The following HDAC1 variants were observed in gnomAD, a reference collection of about 807,000 sequenced individuals.
HDAC1 encodes the protein histone deacetylase 1, also known as protein deacetylase HDAC1.
HDAC1 carries 18 observed loss-of-function variants against 65.5 expected under a neutral mutation model. The ratio of observed to expected loss-of-function variants is 0.27; its 90% CI spans 0.19 to 0.41. HDAC1 has a LOEUF of 0.41. HDAC1 is among the 10% of genes least tolerant of loss of function. The pLI, the probability that HDAC1 is intolerant of heterozygous loss-of-function variation, is 1.00. For synonymous variants in HDAC1, 211 were observed against 227.9 expected (o/e 0.93, Z 0.67); for missense variants, 373 against 625.2 (o/e 0.60, Z 4.30).
intron 2 of HDAC1, among the ~76,000 whole-genome samples, chr1:32,316,145 G>A (rs1246852746): frequency 6.6e-6 from 1 of 151,992 alleles, no homozygotes; most frequent in Non-Finnish European, 1.5e-5. Context: ...TTAGCCGGGC[G>A]TGGTGGTGGG....
intron 3 of HDAC1, 37 bp downstream of exon 3, chr1:32,316,819 C>G: frequency 7.9e-7 from 1 of 1,271,404 alleles, no homozygotes; most frequent in East Asian, 2.3e-5. Context: ...CTGAAGCCGC[C>G]AGTTGCATCT....
rs920845268 is a variant in HDAC1, at chr1:32,332,954, C to T, written c.1422-63C>T. The stretch of plus-strand genomic sequence containing the variant: ...CCTAGGATCCTGTGGAAGTCACTGT[C>T]TGCACTTTTGCCCTGAGGCTCTGGG... On this transcript the variant is annotated intron_variant, in intron 13 of 13. Coordinates refer to ENST00000373548, the MANE Select transcript of HDAC1 (RefSeq NM_004964.3). 9.7e-6 allele frequency: 15 copies of T among 1,553,306 alleles called. No homozygotes were observed. In the South Asian group the frequency reaches 1.2e-4, roughly 13 times the overall value.
intron 1 of HDAC1, among the ~76,000 whole-genome samples, chr1:32,301,875 G>T (rs1428317866): frequency 6.6e-6 from 1 of 152,194 alleles, no homozygotes; most frequent in Non-Finnish European, 1.5e-5. Flanking sequence ...TCCTGCCTCA[G>T]CCTCCAGAGT....
intron 4 of HDAC1, among the ~76,000 whole-genome samples, chr1:32,325,102 C>T (rs546267869): frequency 2.6e-5 from 4 of 152,324 alleles, no homozygotes; most frequent in East Asian, 1.9e-4. Context: ...GCGTTCCCCG[C>T]AGACCTCCTG....
In HDAC1 at chr1:32,327,386, G is replaced by A. The variant is rs959698819; in HGVS notation, c.495-150G>A. On this transcript the variant is annotated intron_variant, in intron 5 of 13. Transcript: ENST00000373548. The surrounding 1 kb of genome is among the most constrained non-coding windows in gnomAD (Gnocchi z 6.0). ...GTCAGGCCTCTGGAGACACCCGGCC[G>A]CTCTTCCACCTTCCTTCAGCCAGTT... 8.6e-6 allele frequency: 6 copies of A among 701,108 alleles called. No individual in the cohort carries two copies. Among genetic ancestry groups the A allele is most frequent in the East Asian group, 5.0e-5 (2 of 40,016 alleles). The allele number at this position is 701,108 out of a possible 1,614,324, so 43.4% of individuals were successfully genotyped here.
At chr1:32,317,537 G>A (rs1355597754) in intron 3 of HDAC1, among the ~76,000 whole-genome samples, 1 of 152,144 alleles carries the variant, frequency 6.6e-6, no homozygotes, top group Non-Finnish European at 1.5e-5. Context: ...CAGAAAATAT[G>A]CGGCACTTGT....
intron 2 of HDAC1, among the ~76,000 whole-genome samples, chr1:32,306,688 C>G (rs911492045): frequency 6.6e-6 from 1 of 152,082 alleles, no homozygotes; most frequent in Non-Finnish European, 1.5e-5. Flanking sequence ...TCTGTAGGAT[C>G]CTGGACTGTG....
Position 32,329,054 on chromosome 1 carries a change from GC to G in HDAC1, c.637-12del. ...TTCATCCTTCAGTTTTACTTTAATG[GC>G]CTTTTTAATTAGGATATCGGGGCTG... On this transcript the variant is annotated splice_polypyrimidine_tract_variant and intron_variant, in intron 6 of 13. Coordinates refer to ENST00000373548, the MANE Select transcript of HDAC1 (RefSeq NM_004964.3). The surrounding 1 kb of genome is among the most constrained non-coding windows in gnomAD (Gnocchi z 4.1). 6.7e-7 allele frequency: 1 copy of G among 1,503,436 alleles called. No individual in the cohort carries two copies. Among genetic ancestry groups the G allele is most frequent in the Non-Finnish European group, 9.3e-7 (1 of 1,079,446 alleles). 93.1% of individuals were successfully genotyped at this position (1,503,436 alleles called of 1,614,324 possible).
chr1:32,332,765 C>T lies in HDAC1; in HGVS notation c.1421+16C>T. On this transcript the variant is annotated intron_variant, in intron 13 of 13. Transcript: ENST00000373548. ...AAGCCAAAGGGTGAGGAAGGAGCTG[C>T]CTGTGGCCATCTCCCTGGCATTGGA... The T allele has an allele frequency of 6.5e-7, 1 of 1,549,202 alleles. No individual in the cohort carries two copies. Among genetic ancestry groups the T allele is most frequent in the Non-Finnish European group, 8.7e-7 (1 of 1,143,990 alleles).
intron 2 of HDAC1, among the ~76,000 whole-genome samples, chr1:32,311,374 G>A (rs1200740569): frequency 2.6e-5 from 4 of 151,994 alleles, no homozygotes; most frequent in African/African-American, 9.7e-5. Flanking sequence ...AGTCTGAGAC[G>A]GGAGAATCGC....
chr1:32,314,699 G>A (rs1175718900), intron 2 of HDAC1, among the ~76,000 whole-genome samples: 1 of 151,796 alleles, frequency 6.6e-6, no homozygotes, highest in African/African-American at 2.4e-5. Flanking sequence ...GATGGCGGGC[G>A]CCTGTAGTCC....
intron 4 of HDAC1, among the ~76,000 whole-genome samples, chr1:32,326,236 C>T (rs1641215455): frequency 6.6e-6 from 1 of 151,832 alleles, no homozygotes; most frequent in African/African-American, 2.4e-5. Flanking sequence ...TCTTGGCTCA[C>T]TGCAACCTCC....
intron 6 of HDAC1, among the ~76,000 whole-genome samples, chr1:32,328,103 GA>G (rs545273259): frequency 6.6e-6 from 1 of 152,246 alleles, no homozygotes; most frequent in African/African-American, 2.4e-5. Context: ...ATCTGATATA[GA>G]ATAGTTAATA....
At chr1:32,319,783 C>T (rs1641114315) in intron 3 of HDAC1, among the ~76,000 whole-genome samples, 1 of 152,014 alleles carries the variant, frequency 6.6e-6, no homozygotes, top group Admixed American at 6.6e-5. Flanking sequence ...TATGGTGGCA[C>T]ATGCCTGTGA....
intron 12 of HDAC1, among the ~76,000 whole-genome samples, 159 bp downstream of exon 12, chr1:32,332,401 CA>C (rs1641305818): frequency 6.6e-6 from 1 of 152,158 alleles, no homozygotes; most frequent in Non-Finnish European, 1.5e-5. Context: ...GCAGAGCCCA[CA>C]AAACAATGAA....
chr1:32,297,154 A>C (rs529248181), intron 1 of HDAC1, among the ~76,000 whole-genome samples: 1 of 152,254 alleles, frequency 6.6e-6, no homozygotes, highest in East Asian at 1.9e-4. Context: ...CAGTGATAAG[A>C]ATCATTTTGA....
chr1:32,323,258 T>C (rs377279789), intron 3 of HDAC1, among the ~76,000 whole-genome samples: 24 of 151,940 alleles, frequency 1.6e-4, no homozygotes, highest in East Asian at 5.8e-4. Flanking sequence ...CCAAGATCAC[T>C]TCACTATACT....
At chr1:32,296,637 C>G (rs1037285188) in intron 1 of HDAC1, among the ~76,000 whole-genome samples, 2 of 152,220 alleles carry the variant, frequency 1.3e-5, no homozygotes, top group African/African-American at 4.8e-5. Context: ...CCTCAGCCTC[C>G]CAAAGTGCTG....
intron 2 of HDAC1, among the ~76,000 whole-genome samples, chr1:32,310,458 A>T (rs984224117): frequency 2.0e-5 from 3 of 152,184 alleles, no homozygotes; most frequent in African/African-American, 7.2e-5. Context: ...CACGCTTGTA[A>T]TCCCAGCTAC....
Sources: gnomAD v4.1 joint callset for allele counts (sites outside exome capture counted in the v4.1 genomes callset) on GRCh38, gnomAD v4.1.1 for gene constraint, Gnocchi (gnomAD v3.1) non-coding constraint, MANE v1.5 for transcripts, NCBI Gene and HGNC (gene_info 2026-07-23, HGNC 2026-07-21) for gene names.